Variants in FAM53A observed in about 807,000 individuals in gnomAD.
The protein encoded by FAM53A is protein FAM53A.
FAM53A carries 28 observed loss-of-function variants against 26.6 expected under a neutral mutation model. The ratio of observed to expected loss-of-function variants is 1.05; its 90% CI spans 0.78 to 1.45. FAM53A has a LOEUF of 1.45. Among genes scored for constraint, FAM53A ranks in the 40% most tolerant of loss-of-function variants. The pLI is 0.00. For synonymous variants in FAM53A, 290 were observed against 253.1 expected, an observed-to-expected ratio of 1.15 and a Z score of -1.38; for missense variants, 650 against 575.8, an observed-to-expected ratio of 1.13 and a Z score of -1.32.
In FAM53A at chr4:1,654,972, C is replaced by G; in HGVS notation, c.882+6G>C. 6.6e-7 allele frequency: 1 copy of G among 1,508,654 alleles called. No homozygotes were observed. Among genetic ancestry groups the G allele is most frequent in the Admixed American group, 2.1e-5 (1 of 47,104 alleles). The allele number at this position is 1,508,654 out of a possible 1,614,324, so 93.5% of individuals were successfully genotyped here. A position where few individuals can be genotyped will look rare whatever the true frequency, so the allele number is the denominator to read the frequency against. On this transcript the variant is annotated splice_donor_region_variant and intron_variant, in intron 4 of 4. Coordinates refer to ENST00000308132, the MANE Select transcript of FAM53A (RefSeq NM_001174070.3). ...CTCTGAGCCCCTGGAAATAAGAAAGCCTCACCTGGGTCATTTTCAGGAAGT... is the reference window on the plus strand; with the variant it reads ...CTCTGAGCCCCTGGAAATAAGAAAGGCTCACCTGGGTCATTTTCAGGAAGT...
At chr4:1,614,949 C>A (rs1243388915), downstream of FAM53A, among the ~76,000 whole-genome samples, 2 of 152,218 alleles carry the variant, frequency 1.3e-5, no homozygotes, top group Admixed American at 6.5e-5. Flanking sequence ...CCGCTTTAAA[C>A]AGCAAAATCA....
chr4:1,634,554 A>C (rs1577094044), intron 1 of FAM53A, among the ~76,000 whole-genome samples: 1 of 152,298 alleles, frequency 6.6e-6, no homozygotes, highest in South Asian at 2.1e-4. Context: ...GAACGGAATT[A>C]TGAAAGGCTG....
chr4:1,678,460 T>C (rs1254210509), intron 1 of FAM53A, among the ~76,000 whole-genome samples: 1 of 152,088 alleles, frequency 6.6e-6, no homozygotes, highest in Non-Finnish European at 1.5e-5. Flanking sequence ...CAAGGAGCAA[T>C]GGTAATACAA....
chr4:1,599,182 C>G, the FAM53A span, among the ~76,000 whole-genome samples: 1 of 149,398 alleles, frequency 6.7e-6, no homozygotes, highest in Non-Finnish European at 1.5e-5. This position sits in a 1 kb window ranked among gnomAD's most constrained non-coding sequence, Gnocchi z 6.1. Context: ...GCTCCAACCC[C>G]GCCCGGGACT....
the FAM53A span, among the ~76,000 whole-genome samples, chr4:1,609,976 C>T: frequency 0.034 from 5,106 of 152,044 alleles, 248 homozygotes; most frequent in African/African-American, 0.1. Flanking sequence ...AAATAAATAA[C>T]CTCTTTCCTT....
At chr4:1,594,005 G>C in the FAM53A span, among the ~76,000 whole-genome samples, 1 of 152,180 alleles carries the variant, frequency 6.6e-6, no homozygotes, top group Admixed American at 6.5e-5. Context: ...AGGCCGACCC[G>C]AGGGAGAGCA....
the FAM53A span, among the ~76,000 whole-genome samples, chr4:1,590,044 C>T: frequency 2.0e-5 from 3 of 151,522 alleles, no homozygotes; most frequent in Non-Finnish European, 4.4e-5. Flanking sequence ...AATTTTTTTT[C>T]TCTAGGTACT....
intron 4 of FAM53A, chr4:1,644,868 C>A (rs540867603): frequency 6.5e-6 from 1 of 154,236 alleles, no homozygotes; most frequent in South Asian, 2.0e-4. Context: ...AAGCCTCCTA[C>A]GAGCTGACCT....
At chr4:1,622,585 C>T (rs1715089680) in intron 1 of FAM53A, among the ~76,000 whole-genome samples, 1 of 152,252 alleles carries the variant, frequency 6.6e-6, no homozygotes, top group Admixed American at 6.5e-5. Flanking sequence ...GACACACAAA[C>T]AGGGGCAGAG....
chr4:1,652,042 ACCACACACG>A (rs1322002894), intron 4 of FAM53A, among the ~76,000 whole-genome samples: 7 of 139,472 alleles, frequency 5.0e-5, no homozygotes, highest in East Asian at 4.3e-4. Context: ...CCACACACAC[ACCACACACG>A]CCACACACAC....
At chr4:1,651,848 T>A (rs1712816288) in intron 4 of FAM53A, among the ~76,000 whole-genome samples, 1 of 148,358 alleles carries the variant, frequency 6.7e-6, no homozygotes, top group Non-Finnish European at 1.5e-5. Flanking sequence ...ATCTGAGGGA[T>A]GGATGCCCCG....
Position 1,641,576 on chromosome 4 carries a change from A to T in FAM53A, c.914T>A (p.Leu305His). ...TLKNSKSLCS[L>H]NYEDDDEDDT... ...ATCCTCATCGTCATCTTCGTAATTG[A>T]GGGAGCAAAGGCTTTTTGAATTTTT... is the stretch of plus-strand genomic sequence containing the variant. Residue 305 changes from leucine to histidine, a missense_variant, in exon 5 of 5, where the codon CTC becomes CAC. Coordinates refer to ENST00000308132, the MANE Select transcript of FAM53A (RefSeq NM_001174070.3). 6.2e-7 allele frequency: 1 copy of T among 1,614,154 alleles called. No homozygotes were observed. Among genetic ancestry groups the T allele is most frequent in the African/African-American group, 1.3e-5 (1 of 75,052 alleles).
At chr4:1,613,448 C>T (rs1402497029), downstream of FAM53A, among the ~76,000 whole-genome samples, 1 of 152,216 alleles carries the variant, frequency 6.6e-6, no homozygotes, top group Admixed American at 6.5e-5. Context: ...AAAGGCCCTG[C>T]GTCTTAGTCC....
intron 1 of FAM53A, among the ~76,000 whole-genome samples, chr4:1,678,951 C>T (rs1465281273): frequency 2.0e-5 from 3 of 151,804 alleles, no homozygotes; most frequent in Non-Finnish European, 4.4e-5. Context: ...ATATAGATGA[C>T]TTTGGGTTTG....
At chr4:1,682,246 A>G (rs976023364) in intron 1 of FAM53A, among the ~76,000 whole-genome samples, 1 of 150,618 alleles carries the variant, frequency 6.6e-6, no homozygotes, top group Admixed American at 6.8e-5. Context: ...AAGAGTTTAT[A>G]TAAAAATTTT....
intron 4 of FAM53A, chr4:1,644,067 T>C: frequency 1.5e-6 from 2 of 1,325,416 alleles, no homozygotes; most frequent in Admixed American, 4.8e-5. Flanking sequence ...ACCAGCTCGG[T>C]CTGGTGTCAC....
Position 1,680,797 on chromosome 4 carries a change from C to A in FAM53A, c.-165+3436G>T, listed in dbSNP as rs116440054. 1.2e-3 allele frequency among the ~76,000 whole-genome samples: 176 copies of A among 147,852 alleles called. 1 individual carries two copies. The highest frequency in any genetic ancestry group is 1.8e-3 in the Non-Finnish European group (117 of 66,562). Reference sequence around the variant, plus strand: ...TGTGGAGACTATTTAAAAAAACAAACAAAAAAAAAACCGTGGCTGCCAGGG... The same window carrying A: ...TGTGGAGACTATTTAAAAAAACAAAAAAAAAAAAAACCGTGGCTGCCAGGG... On this transcript the variant is annotated intron_variant, in intron 1 of 4. Coordinates refer to ENST00000308132, the MANE Select transcript of FAM53A (RefSeq NM_001174070.3).
In FAM53A at chr4:1,659,971, A is replaced by G. The variant is rs1323168152; in HGVS notation, c.76-2503T>C. On this transcript the variant is annotated intron_variant, in intron 2 of 4. Coordinates refer to ENST00000308132, the MANE Select transcript of FAM53A (RefSeq NM_001174070.3). This position sits in a 1 kb window ranked among gnomAD's most constrained non-coding sequence, Gnocchi z 5.2. ...GACTTCAACATATGGGTTTCGGGGA[A>G]TGTGAACATGCAACCCTTAAGCCTA... is the stretch of plus-strand genomic sequence containing the variant. Among the ~76,000 whole-genome samples the G allele has an allele frequency of 6.6e-6, 1 of 152,180 alleles. No homozygotes were observed. Among genetic ancestry groups the G allele is most frequent in the East Asian group, 1.9e-4 (1 of 5,194 alleles).
the FAM53A span, among the ~76,000 whole-genome samples, chr4:1,579,432 C>A: frequency 6.6e-6 from 1 of 152,118 alleles, no homozygotes; most frequent in African/African-American, 2.4e-5. Flanking sequence ...GCGCCACCCC[C>A]CCGCCCTCCG....
Sources: gnomAD v4.1 joint callset for allele counts (sites outside exome capture counted in the v4.1 genomes callset) on GRCh38, gnomAD v4.1.1 for gene constraint, Gnocchi (gnomAD v3.1) non-coding constraint, MANE v1.5 for transcripts, NCBI Gene and HGNC (gene_info 2026-07-23, HGNC 2026-07-21) for gene names.